SHQ1: variants seen among roughly 807,000 people sequenced by gnomAD.
SHQ1 encodes the protein SHQ1, H/ACA ribonucleoprotein assembly factor, also known as protein SHQ1 homolog.
A neutral mutation model predicts 53.8 loss-of-function variants in SHQ1; 49 were observed. The observed-to-expected ratio is 0.91, with a 90% confidence interval of 0.72 to 1.16. The LOEUF is 1.16. Among genes scored for constraint, SHQ1 ranks in the 50% most tolerant of loss-of-function variants. SHQ1 has a pLI of 0.00. For missense variants in SHQ1, 738 were observed against 683.1 expected (o/e 1.08, Z -0.90); for synonymous variants, 243 against 251.0 (o/e 0.97, Z 0.30).
the SHQ1 span, among the ~76,000 whole-genome samples, chr3:72,742,867 C>T: frequency 2.0e-5 from 3 of 152,112 alleles, no homozygotes; most frequent in African/African-American, 2.4e-5. Context: ...GCTCAGTCCT[C>T]GGCTTCGATC....
downstream of SHQ1, among the ~76,000 whole-genome samples, chr3:72,748,789 G>A (rs935266255): frequency 3.9e-5 from 6 of 152,056 alleles, no homozygotes; most frequent in African/African-American, 7.2e-5. Flanking sequence ...GCAATATGAC[G>A]AAACCCCATC....
intron 8 of SHQ1, among the ~76,000 whole-genome samples, chr3:72,813,203 G>A (rs1485738168): frequency 6.6e-6 from 1 of 152,164 alleles, no homozygotes; most frequent in Non-Finnish European, 1.5e-5. Context: ...CGGGAGTGGT[G>A]GCTCATGCCT....
At position 72,788,256 on chromosome 3, in the gene SHQ1, C is replaced by G. The variant is rs564082811; in HGVS notation, c.1181+4660G>C. On this transcript the variant is annotated intron_variant, in intron 10 of 10. Transcript: ENST00000325599. ...GTGTCTCTGTCTGGCCGCCCATCGT[C>G]TGGGATGTGAGGAGCCCCTCTGCCC... Among the ~76,000 whole-genome samples, 13 of 151,370 alleles carry G rather than the reference C, an allele frequency of 8.6e-5. No homozygotes were observed. The South Asian group carries it at 1.9e-3, about 22-fold the overall frequency.
intron 10 of SHQ1, among the ~76,000 whole-genome samples, chr3:72,790,963 A>G (rs1276776003): frequency 6.6e-6 from 1 of 152,198 alleles, no homozygotes; most frequent in Non-Finnish European, 1.5e-5. Context: ...TAAGAATTTC[A>G]CTTCATTTCC....
intron 9 of SHQ1, chr3:72,793,923 C>A (rs928283630): frequency 2.0e-5 from 3 of 152,200 alleles, no homozygotes; most frequent in Non-Finnish European, 4.4e-5. Flanking sequence ...CTAACTACTT[C>A]CTCCTGGTTT....
chr3:72,767,988 G>GT (rs1364015879), intron 10 of SHQ1, among the ~76,000 whole-genome samples: 2 of 151,878 alleles, frequency 1.3e-5, no homozygotes, highest in African/African-American at 4.8e-5. Flanking sequence ...AGTCTGGGTG[G>GT]TTTTTTTTCT....
At position 72,817,248 on chromosome 3, in the gene SHQ1, G is replaced by A; in HGVS notation, c.864C>T (p.Val288=). The A allele has an allele frequency of 6.2e-7, 1 of 1,613,258 alleles. No individual in the cohort carries two copies. The highest frequency in any genetic ancestry group is 1.1e-5 in the South Asian group (1 of 90,906). ...ILLAYCYETR[V]TEGEKNVESA... ...CACTTACATTCTTCTCTCCTTCAGT[G>A]ACACGGGTTTCATAGCAATATGCCA... The change falls in exon 7 of 11, where the codon GTC becomes GTT. Residue 288 remains valine, a synonymous_variant. Transcript: ENST00000325599.
intron 4 of SHQ1, among the ~76,000 whole-genome samples, chr3:72,838,534 G>C (rs532359769): frequency 6.6e-6 from 1 of 152,256 alleles, no homozygotes; most frequent in African/African-American, 2.4e-5. Flanking sequence ...GTCTCACTCT[G>C]TCACCCAGAC....
At chr3:72,846,358 A>AAATG in intron 1 of SHQ1, 1 of 1,497,182 alleles carries the variant, frequency 6.7e-7, no homozygotes, top group Non-Finnish European at 8.9e-7. Flanking sequence ...GCGATAGCGC[A>AAATG]ATCTTGGCTC....
rs567535109 is a variant in SHQ1 at position 72,767,965 on chromosome 3, T to C, written c.1182-17129A>G. Among the ~76,000 whole-genome samples, 20 of 152,290 alleles carry C rather than the reference T, an allele frequency of 1.3e-4. No individual in the cohort carries two copies. The East Asian group carries it at 3.3e-3, about 25-fold the overall frequency. On this transcript the variant is annotated intron_variant, in intron 10 of 10. Coordinates refer to ENST00000325599, the MANE Select transcript of SHQ1 (RefSeq NM_018130.3). ...AGATATAAGTGCTTTGCTCCTTTCATTCCTTGTCAGGGAGTCTGGGTGGTT... is the reference window on the plus strand; with the variant it reads ...AGATATAAGTGCTTTGCTCCTTTCACTCCTTGTCAGGGAGTCTGGGTGGTT...
chr3:72,788,570 T>C (rs984068099), intron 10 of SHQ1, among the ~76,000 whole-genome samples: 2 of 152,202 alleles, frequency 1.3e-5, no homozygotes, highest in Non-Finnish European at 2.9e-5. Flanking sequence ...CCACCCCGTC[T>C]GGGAGGTGTA....
chr3:72,817,171 T>C (rs1211670537), intron 7 of SHQ1, 59 bp downstream of exon 7: 28 of 1,536,046 alleles, frequency 1.8e-5, no homozygotes, highest in African/African-American at 2.8e-5. Context: ...GACTGATGCT[T>C]TAATGCAGTT....
At position 72,750,549 on chromosome 3, in the gene SHQ1, G is replaced by C; in HGVS notation, c.1469C>G (p.Ser490Cys). ...LKDSPSETVS[S>C]LQGPFLEESS... ...TTCTTCAAGAAAGGGACCTTGCAAAGAACTGACTGTCTCAGATGGACTATC... is the reference window on the plus strand; with the variant it reads ...TTCTTCAAGAAAGGGACCTTGCAAACAACTGACTGTCTCAGATGGACTATC... The change falls in exon 11 of 11, where the codon TCT becomes TGT. Residue 490 changes from serine (S) to cysteine (C), a missense_variant. Coordinates refer to ENST00000325599, the MANE Select transcript of SHQ1 (RefSeq NM_018130.3). The C allele has an allele frequency of 1.2e-6, 2 of 1,614,184 alleles. No homozygotes were observed. Among genetic ancestry groups the C allele is most frequent in the Non-Finnish European group, 8.5e-7 (1 of 1,180,020 alleles).
At chr3:72,799,278 CAT>C (rs1706717036) in intron 9 of SHQ1, among the ~76,000 whole-genome samples, 1 of 152,122 alleles carries the variant, frequency 6.6e-6, no homozygotes, top group African/African-American at 2.4e-5. Context: ...TAACAGCCAA[CAT>C]TACTATCATT....
chr3:72,755,597 A>G (rs1025120691), intron 10 of SHQ1, among the ~76,000 whole-genome samples: 3 of 152,196 alleles, frequency 2.0e-5, no homozygotes, highest in African/African-American at 7.2e-5. Context: ...AGCACAGATA[A>G]CCTAGCAATC....
At chr3:72,796,712 C>T (rs1216066236) in intron 9 of SHQ1, among the ~76,000 whole-genome samples, 12 of 151,546 alleles carry the variant, frequency 7.9e-5, no homozygotes, top group African/African-American at 2.4e-4. Context: ...CCCTGCTACT[C>T]GGGAGGCTGA....
At chr3:72,729,829 T>C in the SHQ1 span, among the ~76,000 whole-genome samples, 3 of 150,730 alleles carry the variant, frequency 2.0e-5, no homozygotes, top group Non-Finnish European at 4.4e-5. Context: ...ATTTTATTTA[T>C]TTATTTTTGA....
At chr3:72,823,683 G>A (rs1400993506) in intron 6 of SHQ1, among the ~76,000 whole-genome samples, 3 of 152,190 alleles carry the variant, frequency 2.0e-5, no homozygotes, top group African/African-American at 7.2e-5. Flanking sequence ...GAGTCTATGT[G>A]TAGACATTTC....
chr3:72,783,200 CT>C (rs1028214551), intron 10 of SHQ1, among the ~76,000 whole-genome samples: 2 of 152,108 alleles, frequency 1.3e-5, no homozygotes, highest in African/African-American at 4.8e-5. Context: ...ATAAAATGGG[CT>C]TGATATACAT....
Sources: gnomAD v4.1 joint callset for allele counts (sites outside exome capture counted in the v4.1 genomes callset) on GRCh38, gnomAD v4.1.1 for gene constraint, MANE v1.5 for transcripts, NCBI Gene and HGNC (gene_info 2026-07-23, HGNC 2026-07-21) for gene names.